RUNX1: variants seen among roughly 807,000 people sequenced by gnomAD.
RUNX1 encodes the protein runt-related transcription factor 1.
A neutral mutation model predicts 42.8 loss-of-function variants in RUNX1; 19 were observed. That is an observed-to-expected ratio of 0.44 (90% confidence interval 0.31 to 0.65). The LOEUF is 0.65. Ranked by LOEUF, RUNX1 falls within the 30% of genes least tolerant of loss-of-function variation. The probability of loss-of-function intolerance (pLI) is 0.07; values close to 1 mark genes in which losing one functional copy is unlikely to be tolerated. For missense variants in RUNX1, 528 were observed against 672.0 expected (o/e 0.79, Z 2.37); for synonymous variants, 271 against 289.4 (o/e 0.94, Z 0.64).
At chr21:34,821,608 T>C (rs996491963) in intron 7 of RUNX1, 1 of 1,552,928 alleles carries the variant, frequency 6.4e-7, no homozygotes, top group Non-Finnish European at 8.7e-7. Flanking sequence ...GAGGATGAGA[T>C]GGAAAAGATA....
At chr21:34,973,431 A>G (rs1471477354) in intron 2 of RUNX1, among the ~76,000 whole-genome samples, 1 of 152,256 alleles carries the variant, frequency 6.6e-6, no homozygotes, top group Non-Finnish European at 1.5e-5. Flanking sequence ...ATCCAGTGTC[A>G]TCATGTGTGG....
chr21:35,034,411 C>T (rs1328913625), intron 2 of RUNX1, among the ~76,000 whole-genome samples: 1 of 151,924 alleles, frequency 6.6e-6, no homozygotes, highest in Non-Finnish European at 1.5e-5. Context: ...GGGTAGAGGT[C>T]AAATTAGGTG....
At chr21:34,878,476 A>G (rs2057850013) in intron 5 of RUNX1, among the ~76,000 whole-genome samples, 2 of 151,672 alleles carry the variant, frequency 1.3e-5, no homozygotes, top group South Asian at 4.2e-4. Context: ...CGTATTTTTT[A>G]TTGCTTATTA....
At chr21:34,930,232 A>T (rs1219149285) in intron 2 of RUNX1, among the ~76,000 whole-genome samples, 6 of 126,502 alleles carry the variant, frequency 4.7e-5, no homozygotes, top group African/African-American at 2.5e-4. Context: ...TATATTATAT[A>T]TACATATTAT....
intron 5 of RUNX1, among the ~76,000 whole-genome samples, chr21:34,878,056 C>G (rs762827658): frequency 4.6e-5 from 7 of 151,320 alleles, no homozygotes; most frequent in Non-Finnish European, 1.0e-4. Flanking sequence ...GTCTTAAGAT[C>G]ACTTAATAAA....
At chr21:34,921,248 C>G (rs927550918) in intron 2 of RUNX1, among the ~76,000 whole-genome samples, 1 of 152,178 alleles carries the variant, frequency 6.6e-6, no homozygotes, top group East Asian at 1.9e-4. Context: ...TTTTTGTCTT[C>G]CCAAATGAAA....
chr21:34,825,789 T>G (rs2056978488), intron 7 of RUNX1, among the ~76,000 whole-genome samples: 1 of 152,196 alleles, frequency 6.6e-6, no homozygotes. Flanking sequence ...TTTGAGTTCA[T>G]CATGAATTAC....
intron 2 of RUNX1, among the ~76,000 whole-genome samples, chr21:34,978,457 A>G (rs773785106): frequency 9.9e-5 from 15 of 152,252 alleles, no homozygotes; most frequent in Non-Finnish European, 1.8e-4. Context: ...GACAAAAAGC[A>G]TAATTTTGAT....
chr21:34,939,114 A>G (rs2058507704), intron 2 of RUNX1, among the ~76,000 whole-genome samples: 2 of 152,254 alleles, frequency 1.3e-5, no homozygotes, highest in African/African-American at 2.4e-5. Flanking sequence ...AAAAACAAGT[A>G]AATGGTTGCT....
At chr21:35,019,903 G>T (rs1018243805) in intron 2 of RUNX1, among the ~76,000 whole-genome samples, 2 of 152,114 alleles carry the variant, frequency 1.3e-5, no homozygotes, top group Non-Finnish European at 2.9e-5. Flanking sequence ...GCGAAGGGCT[G>T]CTTGGTTATA....
chr21:34,871,975 C>T (rs1046596405), intron 5 of RUNX1, among the ~76,000 whole-genome samples: 3 of 152,008 alleles, frequency 2.0e-5, no homozygotes, highest in Admixed American at 6.5e-5. Context: ...TTCAGAGCAG[C>T]TGGGATTACA....
At position 34,834,470 on chromosome 21, in the gene RUNX1, G is replaced by T. The variant is rs780862238; in HGVS notation, c.745C>A (p.Pro249Thr). 1 of 1,612,666 alleles carries T rather than the reference G, an allele frequency of 6.2e-7. No homozygotes were observed. Among genetic ancestry groups the T allele is most frequent in the South Asian group, 1.1e-5 (1 of 91,040 alleles). ...GTGGAGTGGTTCAGGGAGGCACGAGGGTTGGGCGTGGGGGCTGGGTGGTGT... is the reference window on the plus strand; with the variant it reads ...GTGGAGTGGTTCAGGGAGGCACGAGTGTTGGGCGTGGGGGCTGGGTGGTGT... ...SPHHPAPTPNPRASLNHSTAF... is the reference protein window; with the variant it reads ...SPHHPAPTPNTRASLNHSTAF... Residue 249 changes from proline (P) to threonine (T), a missense_variant, in exon 7 of 9, where the codon CCT becomes ACT. By Grantham distance (38) the Pro-to-Thr change is conservative (BLOSUM62 -1). This residue lies in a region of RUNX1 where 331 missense variants were observed against 382.5 expected (regional missense o/e 0.87). Transcript: ENST00000675419.
chr21:34,951,157 T>A (rs2058604175), intron 2 of RUNX1, among the ~76,000 whole-genome samples: 1 of 152,202 alleles, frequency 6.6e-6, no homozygotes, highest in Non-Finnish European at 1.5e-5. Context: ...CAAGGGATAG[T>A]TCACATGGTG....
intron 8 of RUNX1, among the ~76,000 whole-genome samples, chr21:34,796,972 G>A (rs1402771159): frequency 1.3e-5 from 2 of 152,314 alleles, no homozygotes; most frequent in East Asian, 1.9e-4. Context: ...CAAAGCTGTC[G>A]GGCTGGATTA....
At chr21:34,822,409 T>C (rs2056921214) in intron 7 of RUNX1, among the ~76,000 whole-genome samples, 1 of 152,224 alleles carries the variant, frequency 6.6e-6, no homozygotes, top group African/African-American at 2.4e-5. Context: ...AACCAGGCAA[T>C]GTCCTTGTCA....
Position 34,788,387 on chromosome 21 carries a change from GAAC to G in RUNX1, c.*3745_*3747del, listed in dbSNP as rs967221215. On this transcript the variant is annotated 3_prime_UTR_variant, in exon 9 of 9. Transcript: ENST00000675419. ...TTTTTTTGCACATTCATTTCCCCTA[GAAC>G]AAAAAAAGTGAACTTAAAAAAAATT... is the stretch of plus-strand genomic sequence containing the variant. 1.3e-5 allele frequency: 3 copies of G among 232,210 alleles called. No homozygotes were observed. The highest frequency in any genetic ancestry group is 6.7e-5 in the African/African-American group (3 of 44,994). The allele number at this position is 232,210 out of a possible 1,614,324, so 14.4% of individuals were successfully genotyped here.
intron 2 of RUNX1, among the ~76,000 whole-genome samples, chr21:35,036,681 A>G (rs1178211174): frequency 6.6e-6 from 1 of 152,206 alleles, no homozygotes; most frequent in Non-Finnish European, 1.5e-5. Context: ...CAGAAAGGCC[A>G]TTCTCAAAGG....
At chr21:34,842,043 G>C (rs2057244116) in intron 6 of RUNX1, among the ~76,000 whole-genome samples, 2 of 152,192 alleles carry the variant, frequency 1.3e-5, no homozygotes, top group Admixed American at 6.5e-5. Flanking sequence ...CTTCATGATT[G>C]GTGCTGTCCA....
intron 2 of RUNX1, among the ~76,000 whole-genome samples, chr21:35,047,824 T>G (rs1439120791): frequency 5.9e-5 from 9 of 152,174 alleles, no homozygotes; most frequent in Non-Finnish European, 1.3e-4. Context: ...TGCCAAACCA[T>G]CAAGATACAC....
Sources: gnomAD v4.1 joint callset for allele counts (sites outside exome capture counted in the v4.1 genomes callset) on GRCh38, gnomAD v4.1.1 for gene constraint, gnomAD v4.1.1 regional missense constraint, MANE v1.5 for transcripts, NCBI Gene and HGNC (gene_info 2026-07-23, HGNC 2026-07-21) for gene names.